The following RIMS2 variants were observed in gnomAD, a reference collection of about 807,000 sequenced individuals.
The protein encoded by RIMS2 is regulating synaptic membrane exocytosis protein 2.
A neutral mutation model predicts 174.4 loss-of-function variants in RIMS2; 59 were observed. That is an observed-to-expected ratio of 0.34 (90% CI 0.27 to 0.42). RIMS2 has a LOEUF of 0.42. RIMS2 is among the 10% of genes least tolerant of loss of function. The pLI is 1.00. For missense variants in RIMS2, 1,620 were observed against 1,666.3 expected, an observed-to-expected ratio of 0.97 and a Z score of 0.48; for synonymous variants, 606 against 572.5, an observed-to-expected ratio of 1.06 and a Z score of -0.84.
chr8:104,067,536 A>G (rs879605791), intron 19 of RIMS2, among the ~76,000 whole-genome samples: 8 of 151,158 alleles, frequency 5.3e-5, no homozygotes, highest in Non-Finnish European at 8.8e-5. Context: ...GACTATAAGC[A>G]TGTGTCACCA....
Position 103,787,561 on chromosome 8 carries a change from G to A in RIMS2, c.698+21024G>A, listed in dbSNP as rs1375367900. On this transcript the variant is annotated intron_variant, in intron 3 of 23. Coordinates refer to ENST00000504942, the Ensembl canonical transcript of RIMS2. ...AGTTTGGCTGGATATGAAATTCTGGGTTGAAAATTCTTTTCTTTAAGAATG... is the reference window on the plus strand; with the variant it reads ...AGTTTGGCTGGATATGAAATTCTGGATTGAAAATTCTTTTCTTTAAGAATG... 7.9e-5 allele frequency among the ~76,000 whole-genome samples: 12 copies of A among 152,042 alleles called. No homozygotes were observed. In the South Asian group the frequency reaches 1.5e-3, roughly 19 times the overall value.
chr8:103,559,573 T>C (rs1367335966), intron 1 of RIMS2, among the ~76,000 whole-genome samples: 5 of 152,204 alleles, frequency 3.3e-5, no homozygotes, highest in African/African-American at 1.2e-4. Context: ...ATCTTTTCTT[T>C]AGAATGTGAT....
chr8:103,790,852 A>G (rs984479210), intron 3 of RIMS2, among the ~76,000 whole-genome samples: 1 of 152,242 alleles, frequency 6.6e-6, no homozygotes, highest in African/African-American at 2.4e-5. Context: ...AAATGGATCT[A>G]TCCAACATTT....
rs546191791 is a variant in RIMS2, at chr8:104,203,535, G to A, written c.3335-41381G>A. 7.8e-4 allele frequency among the ~76,000 whole-genome samples: 93 copies of A among 119,756 alleles called. 2 individuals carry two copies. In the South Asian group the frequency reaches 0.021, roughly 27 times the overall value. 78.6% of individuals were successfully genotyped at this position (119,756 alleles called of 152,430 possible). A position where few individuals can be genotyped will look rare whatever the true frequency, so the allele number is the denominator to read the frequency against. On this transcript the variant is annotated intron_variant, in intron 19 of 23. Transcript: ENST00000504942. ...TTTTTTTTTTGTGAGATGGAGCCTC[G>A]CTCTGTCACCCAGGCTGGAGTTCAG... is the stretch of plus-strand genomic sequence containing the variant.
At chr8:104,233,313 T>C (rs1286967886) in intron 19 of RIMS2, among the ~76,000 whole-genome samples, 1 of 152,188 alleles carries the variant, frequency 6.6e-6, no homozygotes, top group Non-Finnish European at 1.5e-5. Flanking sequence ...ATGTGGCTTT[T>C]CATGTTATGG....
At chr8:103,859,880 A>G (rs1395371528) in intron 3 of RIMS2, among the ~76,000 whole-genome samples, 2 of 152,008 alleles carry the variant, frequency 1.3e-5, no homozygotes, top group African/African-American at 2.4e-5. Context: ...GCTTTTTACT[A>G]CCTCAGCACA....
chr8:103,795,113 C>T (rs2098538964), intron 3 of RIMS2, among the ~76,000 whole-genome samples: 1 of 152,184 alleles, frequency 6.6e-6, no homozygotes, highest in Non-Finnish European at 1.5e-5. Flanking sequence ...ATAAATCATG[C>T]TGCTATACAG....
At chr8:103,655,529 A>G (rs2096519320) in intron 1 of RIMS2, among the ~76,000 whole-genome samples, 1 of 152,136 alleles carries the variant, frequency 6.6e-6, no homozygotes, top group Admixed American at 6.5e-5. Flanking sequence ...TTTGAATTTT[A>G]TATTTTAGTT....
intron 1 of RIMS2, among the ~76,000 whole-genome samples, chr8:103,641,527 C>T (rs756706256): frequency 3.3e-5 from 5 of 152,042 alleles, no homozygotes; most frequent in Admixed American, 6.6e-5. Flanking sequence ...TCCCCAATCT[C>T]GTGATGCTAT....
At chr8:104,002,607 T>C (rs1655726776) in intron 17 of RIMS2, among the ~76,000 whole-genome samples, 1 of 152,178 alleles carries the variant, frequency 6.6e-6, no homozygotes, top group South Asian at 2.1e-4. Flanking sequence ...CTGGAAATTG[T>C]TTCCTAGGAA....
At chr8:103,500,621 C>G (rs1334285614), upstream of RIMS2, 2 of 406,462 alleles carry the variant, frequency 4.9e-6, no homozygotes, top group African/African-American at 2.1e-5. Context: ...GTTCCCCTTT[C>G]CCTTGAACCG....
At chr8:104,052,042 A>T (rs941838110) in intron 19 of RIMS2, among the ~76,000 whole-genome samples, 2 of 152,202 alleles carry the variant, frequency 1.3e-5, no homozygotes, top group African/African-American at 4.8e-5. Context: ...ACATTACTGA[A>T]GAAAAAGAAA....
At chr8:103,769,594 G>A (rs1016805266) in intron 3 of RIMS2, among the ~76,000 whole-genome samples, 2 of 152,046 alleles carry the variant, frequency 1.3e-5, no homozygotes, top group African/African-American at 4.8e-5. Flanking sequence ...CCAAAGTGTT[G>A]GGATTACAGG....
exon 22 of RIMS2, chr8:104,249,561 G>T (rs746669737): frequency 4.4e-6 from 7 of 1,608,368 alleles, no homozygotes; most frequent in Non-Finnish European, 6.0e-6. Flanking sequence ...TGGCCTTGTT[G>T]TAAAACCAGG....
chr8:103,782,873 T>G (rs1038887753), intron 3 of RIMS2, among the ~76,000 whole-genome samples: 2 of 152,240 alleles, frequency 1.3e-5, no homozygotes, highest in Non-Finnish European at 2.9e-5. Flanking sequence ...CCATTTATAT[T>G]ATAGAAAATA....
At chr8:104,064,018 C>G (rs2097057120) in intron 19 of RIMS2, among the ~76,000 whole-genome samples, 1 of 152,104 alleles carries the variant, frequency 6.6e-6, no homozygotes, top group Non-Finnish European at 1.5e-5. Flanking sequence ...AAAACCTAAA[C>G]AACCACTAGC....
At chr8:104,248,651 A>AAAAT (rs1352979030) in intron 20 of RIMS2, 50 bp from the exon 27 acceptor site, 4 of 1,004,108 alleles carry the variant, frequency 4.0e-6, no homozygotes, top group African/African-American at 1.6e-5. Context: ...AGCTTACCTG[A>AAAAT]AAATAAATAG....
In RIMS2 at chr8:103,909,701, A is replaced by G. The variant is rs115674458; in HGVS notation, c.1625-433A>G. On this transcript the variant is annotated intron_variant, in intron 4 of 23. Transcript: ENST00000504942. ...TTAAAATACTGGCTATTGCAAACCAATGTAAACTTTTTAAATGTCCCTTAA... is the reference window on the plus strand; with the variant it reads ...TTAAAATACTGGCTATTGCAAACCAGTGTAAACTTTTTAAATGTCCCTTAA... Among the ~76,000 whole-genome samples, 747 of 152,210 alleles carry G rather than the reference A, an allele frequency of 4.9e-3. 6 individuals carry two copies. Among genetic ancestry groups the G allele is most frequent in the African/African-American group, 0.017 (716 of 41,562 alleles).
chr8:103,957,793 T>C (rs899439385), intron 14 of RIMS2, among the ~76,000 whole-genome samples: 4 of 152,060 alleles, frequency 2.6e-5, no homozygotes, highest in African/African-American at 4.8e-5. Context: ...CCAACAAGCA[T>C]ATAAAATAAG....
Sources: allele counts gnomAD v4.1 joint callset (sites outside exome capture counted in the v4.1 genomes callset), GRCh38; gene constraint gnomAD v4.1.1; transcripts MANE v1.5; gene names NCBI Gene and HGNC (gene_info 2026-07-23, HGNC 2026-07-21).